Variants in PDE4D observed in about 807,000 individuals in gnomAD.
PDE4D encodes phosphodiesterase 4D.
In PDE4D, 24 loss-of-function variants were observed where a neutral mutation model predicts 87.4. The observed-to-expected ratio is 0.27, with a 90% CI of 0.20 to 0.39. The LOEUF is 0.39. PDE4D is among the 10% of genes least tolerant of loss of function. The pLI, the probability that PDE4D is intolerant of heterozygous loss-of-function variation, is 1.00. For missense variants in PDE4D, 714 were observed against 1,041.0 expected, an observed-to-expected ratio of 0.69 and a Z score of 4.32; for synonymous variants, 384 against 383.2, an observed-to-expected ratio of 1.00 and a Z score of -0.02.
At chr5:59,271,367 T>C (rs1763823959) in intron 1 of PDE4D, among the ~76,000 whole-genome samples, 1 of 152,104 alleles carries the variant, frequency 6.6e-6, no homozygotes, top group East Asian at 1.9e-4. Flanking sequence ...ATATGTTAAA[T>C]GAAGAAGCAG....
At chr5:60,486,794 T>C (rs1351115270) in intron 1 of PDE4D, among the ~76,000 whole-genome samples, 4 of 152,200 alleles carry the variant, frequency 2.6e-5, no homozygotes, top group African/African-American at 7.2e-5. Context: ...TTGAGAGTTA[T>C]ACATAGCACA....
chr5:59,686,917 G>A (rs1749969350), intron 1 of PDE4D, among the ~76,000 whole-genome samples: 1 of 152,146 alleles, frequency 6.6e-6, no homozygotes, highest in Non-Finnish European at 1.5e-5. Context: ...AAATCCTTCT[G>A]TAATTGAAGA....
chr5:59,813,563 GACAA>G (rs1768623758), intron 1 of PDE4D, among the ~76,000 whole-genome samples: 1 of 151,922 alleles, frequency 6.6e-6, no homozygotes, highest in African/African-American at 2.4e-5. Flanking sequence ...GCCATTAGCA[GACAA>G]ACATGAAAAT....
At chr5:59,554,752 A>C (rs1818629713) in intron 1 of PDE4D, among the ~76,000 whole-genome samples, 1 of 152,186 alleles carries the variant, frequency 6.6e-6, no homozygotes. Context: ...TCGCTTTACC[A>C]AGAGAGGTCA....
intron 2 of PDE4D, among the ~76,000 whole-genome samples, chr5:60,169,921 AG>A (rs1002318546): frequency 6.6e-6 from 1 of 151,982 alleles, no homozygotes; most frequent in African/African-American, 2.4e-5. Context: ...AATTATATTT[AG>A]TTTGCATTAT....
chr5:60,166,287 G>A (rs1266016758), intron 2 of PDE4D, among the ~76,000 whole-genome samples: 2 of 151,872 alleles, frequency 1.3e-5, no homozygotes, highest in Admixed American at 6.6e-5. Context: ...GTAGAGACGA[G>A]GTTTCCATAA....
intron 1 of PDE4D, among the ~76,000 whole-genome samples, chr5:59,649,904 C>CTTGTTTTTTTTTTTTTTT (rs1561402852): frequency 4.1e-5 from 3 of 73,958 alleles, no homozygotes; most frequent in African/African-American, 1.6e-4. Flanking sequence ...AGTTTGTGAA[C>CTTGTTTTTTTTTTTTTTT]CTTTTTTTTT....
chr5:59,686,625 G>A (rs1030381357), intron 1 of PDE4D, among the ~76,000 whole-genome samples: 2 of 152,150 alleles, frequency 1.3e-5, no homozygotes, highest in African/African-American at 4.8e-5. Context: ...TTGAGTGAAT[G>A]AAAGAATAAG....
At chr5:59,484,152 T>A (rs1804718246) in intron 1 of PDE4D, among the ~76,000 whole-genome samples, 1 of 152,146 alleles carries the variant, frequency 6.6e-6, no homozygotes, top group African/African-American at 2.4e-5. Flanking sequence ...ATGTAAAACA[T>A]CCCTGGGGAA....
rs182139914 is a variant in PDE4D at position 59,216,237 on chromosome 5, C to T, written c.456-269G>A. ...CTCTACTTCAGTTAAAAGGGAAACA[C>T]TCTGCAAAACATAATCTTCTAAGTA... On this transcript the variant is annotated intron_variant, in intron 1 of 14. Transcript: ENST00000340635. Among the ~76,000 whole-genome samples, 4 of 152,304 alleles carry T rather than the reference C, an allele frequency of 2.6e-5. No homozygotes were observed. The East Asian group carries it at 7.7e-4, about 29-fold the overall frequency.
intron 1 of PDE4D, among the ~76,000 whole-genome samples, chr5:59,693,941 CAAAGGTTGATGCCTTAAGGGCT>C (rs1454439923): frequency 6.6e-6 from 1 of 152,000 alleles, no homozygotes; most frequent in African/African-American, 2.4e-5. Context: ...AATAAGACAT[CAAAGGTTGATGCCTTAAGGGCT>C]AAAGAAATAC....
chr5:59,254,007 A>T (rs894806850), intron 1 of PDE4D, among the ~76,000 whole-genome samples: 1 of 152,162 alleles, frequency 6.6e-6, no homozygotes, highest in Non-Finnish European at 1.5e-5. Flanking sequence ...GGTGTGTTTC[A>T]TGTATAACCA....
intron 1 of PDE4D, among the ~76,000 whole-genome samples, chr5:60,338,402 A>C (rs575685150): frequency 6.6e-6 from 1 of 152,206 alleles, no homozygotes; most frequent in Non-Finnish European, 1.5e-5. Flanking sequence ...TGCCGCCGCC[A>C]CTGAAAGCCA....
chr5:59,802,554 A>G (rs930945598), intron 1 of PDE4D, among the ~76,000 whole-genome samples: 4 of 152,012 alleles, frequency 2.6e-5, no homozygotes, highest in East Asian at 1.9e-4. Flanking sequence ...GCAAACCACC[A>G]CGCTCAGCTA....
intron 1 of PDE4D, among the ~76,000 whole-genome samples, chr5:59,726,888 T>C (rs1281968968): frequency 1.3e-5 from 2 of 152,020 alleles, no homozygotes; most frequent in African/African-American, 2.4e-5. Context: ...TATATAGCCA[T>C]CTAGTTTAAC....
intron 1 of PDE4D, among the ~76,000 whole-genome samples, chr5:59,250,524 A>G (rs1759735154): frequency 6.6e-6 from 1 of 151,726 alleles, no homozygotes; most frequent in African/African-American, 2.4e-5. Flanking sequence ...AGAAAAGAAA[A>G]AAAGAATATG....
chr5:59,044,312 A>G (rs1187247822), intron 5 of PDE4D, among the ~76,000 whole-genome samples: 1 of 152,214 alleles, frequency 6.6e-6, no homozygotes, highest in Non-Finnish European at 1.5e-5. Flanking sequence ...GCCAGTCATG[A>G]TGAGCACTGA....
chr5:58,995,384 G>A lies in PDE4D; in HGVS notation c.922-1919C>T, dbSNP rs117630173. ...GTATACAGAACATAGGTTACTGCTT[G>A]TGTTCACTCAGCATTATATCTTATA... On this transcript the variant is annotated intron_variant, in intron 6 of 14. Transcript: ENST00000340635. Among the ~76,000 whole-genome samples, 10 of 152,180 alleles carry A rather than the reference G, an allele frequency of 6.6e-5. No homozygotes were observed. In the East Asian group the frequency reaches 1.7e-3, roughly 26 times the overall value.
At chr5:59,168,435 T>C (rs535101201) in intron 5 of PDE4D, among the ~76,000 whole-genome samples, 1 of 152,302 alleles carries the variant, frequency 6.6e-6, no homozygotes, top group East Asian at 1.9e-4. Context: ...CCCTGGGCAC[T>C]CTGGTGACAA....
Sources: allele counts gnomAD v4.1 joint callset (sites outside exome capture counted in the v4.1 genomes callset), GRCh38; gene constraint gnomAD v4.1.1; transcripts MANE v1.5; gene names NCBI Gene and HGNC (gene_info 2026-07-23, HGNC 2026-07-21).